Variants in MYO5B observed in about 807,000 individuals in gnomAD.
The protein encoded by MYO5B is unconventional myosin-Vb.
In MYO5B, 143 loss-of-function variants were observed where a neutral mutation model predicts 229.3. The observed-to-expected ratio is 0.62, with a 90% confidence interval of 0.54 to 0.72. The LOEUF (loss-of-function observed/expected upper bound fraction) is 0.72, where lower values mean the gene tolerates loss of function less well. Ranked by LOEUF, MYO5B falls within the 30% of genes least tolerant of loss-of-function variation. The pLI, the probability that MYO5B is intolerant of heterozygous loss-of-function variation, is 0.00. For missense variants in MYO5B, 2,321 were observed against 2,331.0 expected (o/e 1.00, Z 0.09); for synonymous variants, 918 against 885.2 (o/e 1.04, Z -0.66).
At chr18:49,945,727 G>A (rs2025364247) in intron 14 of MYO5B, among the ~76,000 whole-genome samples, 1 of 148,522 alleles carries the variant, frequency 6.7e-6, no homozygotes, top group Non-Finnish European at 1.5e-5. Flanking sequence ...AGTGGCAGGA[G>A]CAGAATGGGC....
At chr18:50,020,619 G>A (rs2026263550) in intron 4 of MYO5B, among the ~76,000 whole-genome samples, 2 of 152,244 alleles carry the variant, frequency 1.3e-5, no homozygotes, top group African/African-American at 4.8e-5. Context: ...TGAGGGGGAT[G>A]GACCCAGGAG....
intron 17 of MYO5B, among the ~76,000 whole-genome samples, chr18:49,927,929 G>T (rs1344697060): frequency 6.6e-6 from 1 of 152,168 alleles, no homozygotes; most frequent in Non-Finnish European, 1.5e-5. Context: ...CACAGCAAAA[G>T]AAATAATCAC....
chr18:49,908,696 G>A (rs1021901292), intron 18 of MYO5B, among the ~76,000 whole-genome samples: 1 of 152,096 alleles, frequency 6.6e-6, no homozygotes, highest in African/African-American at 2.4e-5. Flanking sequence ...GCCAGTCTCC[G>A]TGATGTGGTC....
At chr18:49,894,763 T>G (rs1033841444) in intron 22 of MYO5B, among the ~76,000 whole-genome samples, 178 bp downstream of exon 22, 1 of 152,246 alleles carries the variant, frequency 6.6e-6, no homozygotes, top group Admixed American at 6.5e-5. Context: ...GTCATGCTTG[T>G]GTGGGTTTCC....
chr18:50,181,174 TTA>T (rs1382221004), intron 1 of MYO5B, among the ~76,000 whole-genome samples: 1 of 152,240 alleles, frequency 6.6e-6, no homozygotes, highest in Non-Finnish European at 1.5e-5. Flanking sequence ...ATTGAAGTAA[TTA>T]TATGTTCATA....
chr18:49,877,829 G>C lies in MYO5B; in HGVS notation c.3330C>G (p.Asp1110Glu). Residue 1110 changes from aspartate to glutamate, a missense_variant, in exon 25 of 40, where the codon GAC (aspartate) becomes GAG (glutamate). Asp to Glu is a conservative substitution (Grantham distance 45). Transcript: ENST00000285039. Reference protein sequence around the residue: ...NPSNQSSLESDSNYPSISTSE... With the variant: ...NPSNQSSLESESNYPSISTSE... ...ATGTGGAGATGGAGGGGTAATTGGA[G>C]TCAGATTCTAAGCTACTTTGGTTTG... 1.2e-6 allele frequency: 2 copies of C among 1,614,116 alleles called. No individual in the cohort carries two copies. The highest frequency in any genetic ancestry group is 1.7e-6 in the Non-Finnish European group (2 of 1,179,986).
intron 17 of MYO5B, among the ~76,000 whole-genome samples, chr18:49,913,525 C>A (rs2024980092): frequency 6.6e-6 from 1 of 152,084 alleles, no homozygotes; most frequent in Non-Finnish European, 1.5e-5. Flanking sequence ...GTACAGGCAG[C>A]CCCCCACCCA....
intron 2 of MYO5B, among the ~76,000 whole-genome samples, chr18:50,042,942 T>C (rs2030064949): frequency 6.6e-6 from 1 of 152,162 alleles, no homozygotes. Context: ...AATGCTGGCC[T>C]CCTCTAGATT....
At chr18:50,086,056 A>G (rs2031322373) in intron 1 of MYO5B, among the ~76,000 whole-genome samples, 1 of 151,984 alleles carries the variant, frequency 6.6e-6, no homozygotes, top group South Asian at 2.1e-4. Context: ...CCTAAAACTT[A>G]AAGTATAATA....
intron 12 of MYO5B, among the ~76,000 whole-genome samples, chr18:49,956,267 A>G (rs1247399847): frequency 6.6e-6 from 1 of 152,220 alleles, no homozygotes; most frequent in Non-Finnish European, 1.5e-5. Context: ...TAGATGTATC[A>G]ACTCATTTAA....
intron 39 of MYO5B, among the ~76,000 whole-genome samples, chr18:49,828,133 C>T (rs888593393): frequency 6.6e-6 from 1 of 152,130 alleles, no homozygotes; most frequent in African/African-American, 2.4e-5. Flanking sequence ...GCTGAATCTG[C>T]AGATATGGAA....
intron 1 of MYO5B, among the ~76,000 whole-genome samples, chr18:50,174,159 C>T (rs1041434076): frequency 2.0e-5 from 3 of 152,136 alleles, no homozygotes; most frequent in Non-Finnish European, 2.9e-5. Context: ...ACATCAGTGA[C>T]CCCACTCCCA....
At position 50,108,841 on chromosome 18, in the gene MYO5B, T is replaced by G. The variant is rs535659374; in HGVS notation, c.28-53463A>C. 5.9e-5 allele frequency among the ~76,000 whole-genome samples: 9 copies of G among 152,340 alleles called. No individual in the cohort carries two copies. In the South Asian group the frequency reaches 1.9e-3, roughly 32 times the overall value. Reference sequence around the variant, plus strand: ...CCCAGCCAGCTCTGAAGTGTTCAAGTCTAACATGAGGCTATATGTGCTGCT... The same window carrying G: ...CCCAGCCAGCTCTGAAGTGTTCAAGGCTAACATGAGGCTATATGTGCTGCT... On this transcript the variant is annotated intron_variant, in intron 1 of 39. Transcript: ENST00000285039.
At chr18:50,008,808 G>A (rs1178417163) in intron 4 of MYO5B, among the ~76,000 whole-genome samples, 2 of 152,148 alleles carry the variant, frequency 1.3e-5, no homozygotes, top group Non-Finnish European at 2.9e-5. Context: ...TGTGTCAACA[G>A]AATATATTCT....
chr18:50,168,703 C>T (rs2032888442), intron 1 of MYO5B, among the ~76,000 whole-genome samples: 1 of 129,446 alleles, frequency 7.7e-6, no homozygotes, highest in South Asian at 2.6e-4. Context: ...ACCCTCCTCA[C>T]TTTCTTGTTT....
intron 10 of MYO5B, among the ~76,000 whole-genome samples, chr18:49,973,199 A>G (rs1242812654): frequency 2.6e-5 from 4 of 152,176 alleles, no homozygotes; most frequent in African/African-American, 9.7e-5. Context: ...CATCTTCCTG[A>G]GGCCTTTGTG....
At chr18:49,963,470 TG>T (rs2025586805) in intron 10 of MYO5B, among the ~76,000 whole-genome samples, 1 of 152,130 alleles carries the variant, frequency 6.6e-6, no homozygotes, top group African/African-American at 2.4e-5. Context: ...TCACCCAGGC[TG>T]GAGTGCAGAG....
chr18:50,076,127 A>G lies in MYO5B; in HGVS notation c.28-20749T>C, dbSNP rs562258303. 2.0e-5 allele frequency among the ~76,000 whole-genome samples: 3 copies of G among 152,218 alleles called. No homozygotes were observed. In the South Asian group the frequency reaches 6.2e-4, roughly 32 times the overall value. ...TCAACAAGAAAGAAGGGTTGGCAAG[A>G]TATTTCCTTTTTCTTCTTTTTAATT... is the stretch of plus-strand genomic sequence containing the variant. On this transcript the variant is annotated intron_variant, in intron 1 of 39. Coordinates refer to ENST00000285039, the MANE Select transcript of MYO5B (RefSeq NM_001080467.3).
chr18:49,830,829 C>CAAAAAAAAAAAA (rs59785909), intron 39 of MYO5B, among the ~76,000 whole-genome samples: 1 of 72,948 alleles, frequency 1.4e-5, no homozygotes, highest in Non-Finnish European at 2.7e-5. Flanking sequence ...GACTCTGTCT[C>CAAAAAAAAAAAA]AAAAAAAAAA....
Sources: allele counts gnomAD v4.1 joint callset (sites outside exome capture counted in the v4.1 genomes callset), GRCh38; gene constraint gnomAD v4.1.1; transcripts MANE v1.5; gene names NCBI Gene and HGNC (gene_info 2026-07-23, HGNC 2026-07-21).